The following MGAT4C variants were observed in gnomAD, a reference collection of about 807,000 sequenced individuals.
MGAT4C encodes alpha-1,3-mannosyl-glycoprotein 4-beta-N-acetylglucosaminyltransferase C.
Under a neutral mutation model 40.1 loss-of-function variants are expected in MGAT4C, and 19 were observed. The observed-to-expected ratio is 0.47, with a 90% CI of 0.33 to 0.70. The LOEUF is 0.70. MGAT4C is among the 30% of genes least tolerant of loss of function. MGAT4C has a pLI of 0.02. For missense variants in MGAT4C, 491 were observed against 563.2 expected (o/e 0.87, Z 1.30); for synonymous variants, 181 against 187.1 (o/e 0.97, Z 0.27).
intron 2 of MGAT4C, among the ~76,000 whole-genome samples, chr12:86,614,162 T>G (rs1962373767): frequency 6.6e-6 from 1 of 152,208 alleles, no homozygotes; most frequent in Non-Finnish European, 1.5e-5. Flanking sequence ...GACCAGATTA[T>G]TAGAAGTCAG....
At chr12:86,452,514 T>G (rs1957441681) in intron 2 of MGAT4C, among the ~76,000 whole-genome samples, 1 of 152,014 alleles carries the variant, frequency 6.6e-6, no homozygotes, top group Admixed American at 6.6e-5. Context: ...AATTTCTATT[T>G]ATTTAGTCTA....
intron 1 of MGAT4C, among the ~76,000 whole-genome samples, chr12:86,230,949 C>G (rs991150344): frequency 6.6e-5 from 10 of 151,834 alleles, no homozygotes; most frequent in Non-Finnish European, 1.2e-4. Context: ...CAGTTCATCC[C>G]CTCCCTCACT....
At chr12:86,558,240 G>A (rs1959704475) in intron 2 of MGAT4C, among the ~76,000 whole-genome samples, 4 of 152,054 alleles carry the variant, frequency 2.6e-5, no homozygotes, top group Admixed American at 1.3e-4. Flanking sequence ...ATTTGAGTCT[G>A]GGAGTTTCAG....
chr12:86,797,763 A>T (rs1952154171), intron 1 of MGAT4C, among the ~76,000 whole-genome samples: 2 of 151,972 alleles, frequency 1.3e-5, no homozygotes, highest in African/African-American at 4.8e-5. Flanking sequence ...CACTTTATTG[A>T]TAATATGTTC....
intron 2 of MGAT4C, among the ~76,000 whole-genome samples, chr12:86,646,721 A>G (rs1276279946): frequency 6.6e-6 from 1 of 151,974 alleles, no homozygotes; most frequent in Non-Finnish European, 1.5e-5. Flanking sequence ...TGTTTCTCTC[A>G]TACCAGTGTG....
intron 2 of MGAT4C, among the ~76,000 whole-genome samples, chr12:86,496,582 T>G (rs1180865084): frequency 6.6e-6 from 1 of 151,964 alleles, no homozygotes; most frequent in Non-Finnish European, 1.5e-5. Flanking sequence ...GATAAATGTG[T>G]TTGATTGTTC....
At chr12:86,786,929 T>C (rs747781363) in intron 1 of MGAT4C, among the ~76,000 whole-genome samples, 1 of 152,160 alleles carries the variant, frequency 6.6e-6, no homozygotes, top group East Asian at 1.9e-4. Context: ...TAAATCTTCT[T>C]TGGTAATCAA....
chr12:86,222,659 G>A (rs758345576), intron 1 of MGAT4C, among the ~76,000 whole-genome samples: 10 of 152,078 alleles, frequency 6.6e-5, no homozygotes, highest in Non-Finnish European at 8.8e-5. Context: ...CAAAATGAAC[G>A]TTTAAGATTT....
intron 1 of MGAT4C, among the ~76,000 whole-genome samples, chr12:86,205,453 ATAATCAGTTGT>A (rs1431338016): frequency 1.0e-3 from 153 of 151,752 alleles, no homozygotes; most frequent in Middle Eastern, 4.8e-3. Context: ...AATTTTTCTT[ATAATCAGTTGT>A]AAAACATATA....
At chr12:86,256,617 T>A (rs1493414), upstream of MGAT4C, among the ~76,000 whole-genome samples, 135,566 of 152,202 alleles carry the variant, frequency 0.89, 60,585 homozygotes, top group East Asian at 1. Flanking sequence ...TGCCCTCTAA[T>A]TATGCTAAGA....
upstream of MGAT4C, among the ~76,000 whole-genome samples, chr12:86,261,047 C>T (rs1952647816): frequency 1.3e-5 from 2 of 151,842 alleles, no homozygotes; most frequent in Non-Finnish European, 2.9e-5. Context: ...TAAACAGAAC[C>T]ATGAGGAACA....
At chr12:86,425,126 T>C (rs1177280332) in intron 3 of MGAT4C, among the ~76,000 whole-genome samples, 2 of 152,148 alleles carry the variant, frequency 1.3e-5, no homozygotes, top group African/African-American at 2.4e-5. Context: ...CATTAAGTGA[T>C]AGAATCTGAG....
chr12:86,122,285 C>A lies in MGAT4C; in HGVS notation c.-56-72562G>T, dbSNP rs111999330. ...AAATACATATTCCACCATTCAGGCA[C>A]TATAAAAATGTGCTCTTTTTCGGTT... On this transcript the variant is annotated intron_variant, in intron 1 of 4. Transcript: ENST00000611864. Among the ~76,000 whole-genome samples the A allele has an allele frequency of 3.1e-3, 475 of 152,216 alleles. 1 individual carries two copies. The highest frequency in any genetic ancestry group is 0.011 in the African/African-American group (464 of 41,568).
chr12:86,472,691 T>C (rs1957773121), intron 2 of MGAT4C, among the ~76,000 whole-genome samples: 1 of 152,176 alleles, frequency 6.6e-6, no homozygotes, highest in Non-Finnish European at 1.5e-5. Context: ...ACAAATACTT[T>C]CCAGTACAAA....
intron 1 of MGAT4C, among the ~76,000 whole-genome samples, chr12:86,774,082 C>T (rs1191140384): frequency 2.7e-5 from 4 of 149,922 alleles, no homozygotes; most frequent in Non-Finnish European, 5.9e-5. Context: ...GCCTCCTAAG[C>T]AGCTGGGACT....
At chr12:86,377,662 A>G (rs1174840295) in intron 3 of MGAT4C, among the ~76,000 whole-genome samples, 3 of 152,132 alleles carry the variant, frequency 2.0e-5, no homozygotes, top group Non-Finnish European at 4.4e-5. Context: ...ATGATTTAAT[A>G]TTTTCCTTTT....
intron 3 of MGAT4C, among the ~76,000 whole-genome samples, chr12:86,388,596 T>G (rs2136226112): frequency 6.6e-6 from 1 of 150,592 alleles, no homozygotes; most frequent in East Asian, 1.9e-4. Flanking sequence ...GCCTCTAAAC[T>G]AAGTAAACTA....
At chr12:86,496,226 G>C (rs1247882098) in intron 2 of MGAT4C, among the ~76,000 whole-genome samples, 1 of 151,868 alleles carries the variant, frequency 6.6e-6, no homozygotes, top group Non-Finnish European at 1.5e-5. Context: ...GGTTTTGAGT[G>C]GCTCTCTTGC....
At chr12:85,983,469 T>C in intron 4 of MGAT4C, 54 bp downstream of exon 4, 2 of 1,415,022 alleles carry the variant, frequency 1.4e-6, no homozygotes, top group African/African-American at 1.5e-5. Context: ...ACTATCATTA[T>C]TTTAATGCAA....
Sources: gnomAD v4.1 joint callset for allele counts (sites outside exome capture counted in the v4.1 genomes callset) on GRCh38, gnomAD v4.1.1 for gene constraint, MANE v1.5 for transcripts, NCBI Gene and HGNC (gene_info 2026-07-23, HGNC 2026-07-21) for gene names.